Variants in THSD7B observed in about 807,000 individuals in gnomAD.
THSD7B encodes thrombospondin type-1 domain-containing protein 7B.
Under a neutral mutation model 213.6 loss-of-function variants are expected in THSD7B, and 138 were observed. The ratio of observed to expected loss-of-function variants is 0.65; its 90% CI spans 0.56 to 0.74. The LOEUF (loss-of-function observed/expected upper bound fraction) is 0.74, where lower values mean the gene tolerates loss of function less well. Among genes scored for constraint, THSD7B ranks in the 30% least tolerant of loss-of-function variants. THSD7B has a pLI of 0.00. For missense variants in THSD7B, 1,931 were observed against 1,991.5 expected (o/e 0.97, Z 0.58); for synonymous variants, 742 against 687.0 (o/e 1.08, Z -1.25).
intron 20 of THSD7B, among the ~76,000 whole-genome samples, chr2:137,641,549 G>T (rs2104861568): frequency 6.6e-6 from 1 of 152,324 alleles, no homozygotes; most frequent in East Asian, 1.9e-4. Context: ...AATTATATGT[G>T]CTGAGTTCTT....
chr2:137,320,068 C>G (rs1260444610), intron 12 of THSD7B, among the ~76,000 whole-genome samples: 6 of 152,138 alleles, frequency 3.9e-5, no homozygotes, highest in Admixed American at 1.3e-4. Flanking sequence ...GAGCACTTAT[C>G]ATTAGATTTC....
chr2:137,518,960 G>A (rs1680127337), intron 15 of THSD7B, among the ~76,000 whole-genome samples: 1 of 152,188 alleles, frequency 6.6e-6, no homozygotes, highest in South Asian at 2.1e-4. Context: ...TGGAAAAGGG[G>A]AAAGGGGCTG....
At chr2:136,810,726 CT>C (rs1475064641) in intron 1 of THSD7B, among the ~76,000 whole-genome samples, 1 of 152,156 alleles carries the variant, frequency 6.6e-6, no homozygotes, top group East Asian at 1.9e-4. Context: ...TTTGTATGCT[CT>C]TTTTACTTCA....
At chr2:137,675,403 C>CATATATATATATATATAT (rs55940004) in intron 27 of THSD7B, among the ~76,000 whole-genome samples, 2 of 116,532 alleles carry the variant, frequency 1.7e-5, no homozygotes, top group Non-Finnish European at 3.3e-5. Context: ...AAATGAATGC[C>CATATATATATATATATAT]ATATATATAT....
At chr2:136,985,712 G>C (rs984404664) in intron 2 of THSD7B, among the ~76,000 whole-genome samples, 9 of 152,232 alleles carry the variant, frequency 5.9e-5, no homozygotes, top group African/African-American at 2.2e-4. Context: ...GCCTGGTGGA[G>C]CTGTGGGAAA....
At chr2:137,643,647 CACTT>C (rs2104863593) in intron 21 of THSD7B, among the ~76,000 whole-genome samples, 1 of 152,262 alleles carries the variant, frequency 6.6e-6, no homozygotes, top group Non-Finnish European at 1.5e-5. Context: ...TGTTTGGACT[CACTT>C]ACAAAAATTG....
intron 2 of THSD7B, among the ~76,000 whole-genome samples, chr2:137,026,218 T>A (rs761077004): frequency 7.9e-5 from 12 of 152,112 alleles, no homozygotes; most frequent in Non-Finnish European, 1.8e-4. Flanking sequence ...GGTGGAGACT[T>A]TGGGACAGGG....
At chr2:137,023,064 T>A (rs546239121) in intron 2 of THSD7B, among the ~76,000 whole-genome samples, 1 of 152,126 alleles carries the variant, frequency 6.6e-6, no homozygotes, top group Non-Finnish European at 1.5e-5. Context: ...TATGCTGCAG[T>A]CAAGAAACAA....
chr2:136,872,536 T>TTTCTC (rs1347810624), intron 1 of THSD7B, among the ~76,000 whole-genome samples: 1 of 151,874 alleles, frequency 6.6e-6, no homozygotes, highest in East Asian at 1.9e-4. Flanking sequence ...TTTCTTTTCT[T>TTTCTC]TTCTCTTTTT....
intron 7 of THSD7B, among the ~76,000 whole-genome samples, chr2:137,191,498 T>G (rs1680659001): frequency 6.6e-6 from 1 of 151,956 alleles, no homozygotes; most frequent in African/African-American, 2.4e-5. Context: ...AACTGGTGCT[T>G]GCCTGGTTCT....
intron 25 of THSD7B, among the ~76,000 whole-genome samples, chr2:137,662,864 G>A (rs961895876): frequency 6.6e-6 from 1 of 152,060 alleles, no homozygotes; most frequent in Admixed American, 6.5e-5. Context: ...AGACCAGCCT[G>A]GCCAACATGG....
intron 4 of THSD7B, among the ~76,000 whole-genome samples, chr2:137,106,872 G>A (rs1011917207): frequency 2.0e-5 from 3 of 152,060 alleles, no homozygotes; most frequent in Admixed American, 6.6e-5. Context: ...AATGGTGATC[G>A]ATTAAAAGTC....
chr2:137,454,424 GTCTATCTATCTATCTA>G (rs57128305), intron 15 of THSD7B, among the ~76,000 whole-genome samples: 60 of 140,244 alleles, frequency 4.3e-4, no homozygotes, highest in South Asian at 1.9e-3. Flanking sequence ...CTGTCTGTCT[GTCTATCTATCTATCTA>G]TCTATCTATC....
At chr2:137,126,712 C>T (rs1188996719) in intron 5 of THSD7B, among the ~76,000 whole-genome samples, 1 of 152,216 alleles carries the variant, frequency 6.6e-6, no homozygotes, top group Non-Finnish European at 1.5e-5. Context: ...TTGTTTGACA[C>T]AGAGGCCTTG....
At chr2:136,884,894 G>A (rs1018049570) in intron 2 of THSD7B, among the ~76,000 whole-genome samples, 1 of 152,130 alleles carries the variant, frequency 6.6e-6, no homozygotes, top group Admixed American at 6.6e-5. Flanking sequence ...CATGAATGCA[G>A]TATTATTTTA....
intron 1 of THSD7B, among the ~76,000 whole-genome samples, chr2:136,865,186 C>A (rs1683315216): frequency 6.6e-6 from 1 of 152,158 alleles, no homozygotes; most frequent in Non-Finnish European, 1.5e-5. Flanking sequence ...CTCTTGGAGG[C>A]ATGTCCAGAG....
chr2:137,624,740 G>A (rs1046295377), intron 20 of THSD7B, among the ~76,000 whole-genome samples: 2 of 152,168 alleles, frequency 1.3e-5, no homozygotes, highest in Non-Finnish European at 1.5e-5. Flanking sequence ...ATCATCACTG[G>A]TCATCAGAGA....
At chr2:136,784,444 G>A (rs1044238199) in intron 1 of THSD7B, among the ~76,000 whole-genome samples, 9 of 152,030 alleles carry the variant, frequency 5.9e-5, no homozygotes, top group South Asian at 2.1e-4. Flanking sequence ...TTAGATTATT[G>A]CAAAGATGAT....
At chr2:137,359,602 T>C (rs1238156630) in intron 12 of THSD7B, among the ~76,000 whole-genome samples, 4 of 152,152 alleles carry the variant, frequency 2.6e-5, no homozygotes, top group Non-Finnish European at 5.9e-5. Context: ...CCTGGCTTTT[T>C]ATCTGGTCTG....
Sources: gnomAD v4.1 joint callset for allele counts (sites outside exome capture counted in the v4.1 genomes callset) on GRCh38, gnomAD v4.1.1 for gene constraint, MANE v1.5 for transcripts, NCBI Gene and HGNC (gene_info 2026-07-23, HGNC 2026-07-21) for gene names.